The following ZNF208 variants were observed in gnomAD, a reference collection of about 807,000 sequenced individuals.
ZNF208 encodes the protein zinc finger protein 95.
ZNF208 carries 10 observed loss-of-function variants against 12.1 expected under a neutral mutation model. That is an observed-to-expected ratio of 0.83 (90% CI 0.51 to 1.40). The LOEUF (loss-of-function observed/expected upper bound fraction) is 1.40. Ranked by LOEUF, ZNF208 falls within the 40% of genes most tolerant of loss-of-function variation. The pLI is 0.00. For missense variants in ZNF208, 1,652 were observed against 1,485.0 expected, an observed-to-expected ratio of 1.11 and a Z score of -1.85; for synonymous variants, 497 against 488.4, an observed-to-expected ratio of 1.02 and a Z score of -0.23.
At chr19:22,008,268 A>ACTCCAGC (rs1383827591) in intron 1 of ZNF208, among the ~76,000 whole-genome samples, 2 of 149,294 alleles carry the variant, frequency 1.3e-5, no homozygotes, top group East Asian at 3.9e-4. Flanking sequence ...ATACCACTGC[A>ACTCCAGC]CTCCAGCCTG....
chr19:22,003,933 A>T (rs1418024145), intron 1 of ZNF208, among the ~76,000 whole-genome samples: 1 of 151,826 alleles, frequency 6.6e-6, no homozygotes, highest in Non-Finnish European at 1.5e-5. Flanking sequence ...ACTTCGGGGG[A>T]TGAGCTAGGT....
chr19:22,010,263 G>A (rs2145592392), intron 1 of ZNF208, among the ~76,000 whole-genome samples: 1 of 152,190 alleles, frequency 6.6e-6, no homozygotes. Flanking sequence ...GGTTTTCCTC[G>A]TTATGCACCT....
Position 21,970,262 on chromosome 19 carries a change from C to A in ZNF208, c.*929G>T, listed in dbSNP as rs1417267633. Among the ~76,000 whole-genome samples the A allele has an allele frequency of 6.6e-6, 1 of 152,162 alleles. No homozygotes were observed. Among genetic ancestry groups the A allele is most frequent in the Non-Finnish European group, 1.5e-5 (1 of 68,022 alleles). Reference sequence around the variant, plus strand: ...ATTAGAGGCTTTCCCACATTCTTCACACATGCATGGTTTCTCTCCAGTATG... The same window carrying A: ...ATTAGAGGCTTTCCCACATTCTTCAAACATGCATGGTTTCTCTCCAGTATG... On this transcript the variant is annotated 3_prime_UTR_variant, in exon 4 of 4. Coordinates refer to ENST00000397126, the MANE Select transcript of ZNF208 (RefSeq NM_007153.3).
In ZNF208 at chr19:21,968,998, T is replaced by C. The variant is rs1970224285; in HGVS notation, c.*2193A>G. 1.3e-5 allele frequency among the ~76,000 whole-genome samples: 2 copies of C among 152,096 alleles called. No individual in the cohort carries two copies. Among genetic ancestry groups the C allele is most frequent in the South Asian group, 4.1e-4 (2 of 4,826 alleles). On this transcript the variant is annotated 3_prime_UTR_variant, in exon 4 of 4. Coordinates refer to ENST00000397126, the MANE Select transcript of ZNF208 (RefSeq NM_007153.3). ...AGGAGATAGAGACCGTCCTGGCTAA[T>C]ATGGTGAAACCCCATCTGTACTAAA...
At chr19:21,962,023 A>G (rs1429948679), downstream of ZNF208, among the ~76,000 whole-genome samples, 1 of 152,182 alleles carries the variant, frequency 6.6e-6, no homozygotes, top group Admixed American at 6.6e-5. Context: ...AGAAATTATG[A>G]GTATTATTTG....
In ZNF208 at chr19:21,974,565, A is replaced by G. The variant is rs1444341703; in HGVS notation, c.469T>C (p.Cys157Arg). 6.2e-7 allele frequency: 1 copy of G among 1,613,548 alleles called. No individual in the cohort carries two copies. Among genetic ancestry groups the G allele is most frequent in the African/African-American group, 1.3e-5 (1 of 74,900 alleles). The part of the protein sequence containing the change: ...RGKYANVFHK[C>R]SNSNRHKIRH... ...ATCTTATGTCTGTTTGAATTTGAACATTTATGAAAGACATTTGCATATTTG... is the reference window on the plus strand; with the variant it reads ...ATCTTATGTCTGTTTGAATTTGAACGTTTATGAAAGACATTTGCATATTTG... The change falls in exon 4 of 4, where the codon TGT becomes CGT. Residue 157 changes from cysteine to arginine, a missense_variant. Coordinates refer to ENST00000397126, the MANE Select transcript of ZNF208 (RefSeq NM_007153.3).
At chr19:22,006,245 C>G (rs1971042221) in intron 1 of ZNF208, among the ~76,000 whole-genome samples, 1 of 152,092 alleles carries the variant, frequency 6.6e-6, no homozygotes, top group Non-Finnish European at 1.5e-5. Context: ...ATTCCCCTCA[C>G]CTTCTTTCTA....
intron 4 of ZNF208, among the ~76,000 whole-genome samples, chr19:21,956,666 C>T (rs1310263990): frequency 6.6e-6 from 1 of 152,138 alleles, no homozygotes; most frequent in Non-Finnish European, 1.5e-5. Flanking sequence ...CCTGGTGTGC[C>T]ATTTGCTAAG....
chr19:22,003,506 C>CAA lies in ZNF208; in HGVS notation c.3+7284_3+7285dup, dbSNP rs35616569. On this transcript the variant is annotated intron_variant, in intron 1 of 3. Transcript: ENST00000397126. ...AAGAAAAAAAAACTAAAAAGAAGAC[C>CAA]AAAAAAAAACATGAAAAAGACGTTT... is the stretch of plus-strand genomic sequence containing the variant. Among the ~76,000 whole-genome samples the CAA allele has an allele frequency of 3.8e-3, 556 of 147,950 alleles. 3 individuals carry two copies. Among genetic ancestry groups the CAA allele is most frequent in the South Asian group, 0.015 (71 of 4,680 alleles).
chr19:21,983,738 AAACTAACACAAG>A (rs1423870433), intron 3 of ZNF208, among the ~76,000 whole-genome samples: 1 of 152,188 alleles, frequency 6.6e-6, no homozygotes, highest in Non-Finnish European at 1.5e-5. Flanking sequence ...CATTCTCAGC[AAACTAACACAAG>A]AACAGAAAAC....
In ZNF208 at chr19:21,969,558, C is replaced by T. The variant is rs1377647680; in HGVS notation, c.*1633G>A. On this transcript the variant is annotated 3_prime_UTR_variant, in exon 4 of 4. Coordinates refer to ENST00000397126, the MANE Select transcript of ZNF208 (RefSeq NM_007153.3). The stretch of plus-strand genomic sequence containing the variant: ...CTGCAAAAACATATTTTAGTATAAA[C>T]GCATTTGTGTTTTATAATCTGTAGT... 5.3e-5 allele frequency among the ~76,000 whole-genome samples: 8 copies of T among 151,932 alleles called. No homozygotes were observed. The East Asian group carries it at 7.7e-4, about 15-fold the overall frequency.
rs1426710834 is a variant in ZNF208, at chr19:22,007,797, TG to T, written c.3+2994del. Among the ~76,000 whole-genome samples the T allele has an allele frequency of 2.0e-5, 3 of 150,570 alleles. No individual in the cohort carries two copies. In the East Asian group the frequency reaches 6.0e-4, roughly 30 times the overall value. On this transcript the variant is annotated intron_variant, in intron 1 of 3. Transcript: ENST00000397126. ...GGCAGATTACTTGAGGTCAGAATTTTGAGCTCAAACAGCACGGTAAACATGG... is the reference window on the plus strand; with the variant it reads ...GGCAGATTACTTGAGGTCAGAATTTTAGCTCAAACAGCACGGTAAACATGG...
At chr19:21,960,488 T>TA (rs1214847755) in intron 4 of ZNF208, among the ~76,000 whole-genome samples, 1 of 152,112 alleles carries the variant, frequency 6.6e-6, no homozygotes, top group African/African-American at 2.4e-5. Flanking sequence ...TAAAAAGTGG[T>TA]ATATTTACAC....
chr19:21,977,322 C>T (rs1970449993), intron 3 of ZNF208, among the ~76,000 whole-genome samples: 1 of 151,546 alleles, frequency 6.6e-6, no homozygotes, highest in East Asian at 2.0e-4. Flanking sequence ...GTCTACAGCT[C>T]CCAGCGCGAT....
intron 4 of ZNF208, among the ~76,000 whole-genome samples, chr19:21,947,635 G>C (rs1025439167): frequency 2.6e-5 from 4 of 152,268 alleles, no homozygotes; most frequent in African/African-American, 9.6e-5. Flanking sequence ...AAGCCATGCT[G>C]ACAAAACAAA....
At chr19:21,991,093 T>G (rs1970725323) in intron 1 of ZNF208, among the ~76,000 whole-genome samples, 1 of 152,192 alleles carries the variant, frequency 6.6e-6, no homozygotes, top group Non-Finnish European at 1.5e-5. Flanking sequence ...TGAATACCCT[T>G]TATTTCCTTC....
chr19:21,945,526 T>C (rs2145511310), intron 4 of ZNF208, among the ~76,000 whole-genome samples: 1 of 152,320 alleles, frequency 6.6e-6, no homozygotes, highest in South Asian at 2.1e-4. Context: ...AAATTGAAAA[T>C]TTAAATGACC....
chr19:21,996,783 G>T (rs1443610749), intron 1 of ZNF208, among the ~76,000 whole-genome samples: 1 of 152,094 alleles, frequency 6.6e-6, no homozygotes, highest in Non-Finnish European at 1.5e-5. Context: ...ATCAGTTTCA[G>T]GTCTGAAGAC....
chr19:21,950,758 G>A (rs1347942926), intron 4 of ZNF208, among the ~76,000 whole-genome samples: 1 of 151,972 alleles, frequency 6.6e-6, no homozygotes, highest in Non-Finnish European at 1.5e-5. Context: ...GCCTCCCAAA[G>A]TGCTGGGATT....
Sources: gnomAD v4.1 joint callset for allele counts (sites outside exome capture counted in the v4.1 genomes callset) on GRCh38, gnomAD v4.1.1 for gene constraint, MANE v1.5 for transcripts, NCBI Gene and HGNC (gene_info 2026-07-23, HGNC 2026-07-21) for gene names.